CAMTA1: variants seen among roughly 807,000 people sequenced by gnomAD.
CAMTA1 encodes calmodulin-binding transcription activator 1.
Under a neutral mutation model 170.9 loss-of-function variants are expected in CAMTA1, and 27 were observed. The observed-to-expected ratio is 0.16, with a 90% CI of 0.12 to 0.22. CAMTA1 has a LOEUF of 0.22. Among genes scored for constraint, CAMTA1 ranks in the 10% least tolerant of loss-of-function variants. CAMTA1 has a pLI of 1.00. For missense variants in CAMTA1, 1,619 were observed against 2,217.2 expected, an observed-to-expected ratio of 0.73 and a Z score of 5.42; for synonymous variants, 833 against 891.5, an observed-to-expected ratio of 0.93 and a Z score of 1.17.
chr1:6,897,994 C>G (rs762790946), intron 3 of CAMTA1, among the ~76,000 whole-genome samples: 2 of 152,190 alleles, frequency 1.3e-5, no homozygotes, highest in Non-Finnish European at 2.9e-5. Flanking sequence ...TTTGCAGACA[C>G]TGTGTTTAGT....
chr1:7,156,337 T>C (rs1433232244), intron 4 of CAMTA1, among the ~76,000 whole-genome samples: 1 of 150,118 alleles, frequency 6.7e-6, no homozygotes. Flanking sequence ...CCCAGCCTAG[T>C]GGTGGAAGCA....
intron 5 of CAMTA1, among the ~76,000 whole-genome samples, chr1:7,262,478 C>G (rs2149361428): frequency 6.6e-6 from 1 of 152,288 alleles, no homozygotes; most frequent in Middle Eastern, 3.4e-3. Flanking sequence ...AGGAAAATTG[C>G]TAGAACCCAG....
chr1:7,691,749 A>C (rs1186824921), intron 11 of CAMTA1, among the ~76,000 whole-genome samples: 1 of 151,594 alleles, frequency 6.6e-6, no homozygotes. Context: ...CAAGAGAGCG[A>C]GAGAGAGAGA....
intron 3 of CAMTA1, among the ~76,000 whole-genome samples, chr1:6,915,675 A>G (rs1166467546): frequency 6.6e-6 from 1 of 152,218 alleles, no homozygotes; most frequent in East Asian, 1.9e-4. Context: ...GAGGAGAATC[A>G]CAGCAGAAGC....
chr1:7,090,213 G>T (rs1369504265), intron 3 of CAMTA1, among the ~76,000 whole-genome samples: 1 of 152,158 alleles, frequency 6.6e-6, no homozygotes, highest in African/African-American at 2.4e-5. Context: ...CACCTGCTCT[G>T]CTTACCGGGC....
At chr1:7,672,255 C>T (rs1226790865) in intron 10 of CAMTA1, among the ~76,000 whole-genome samples, 1 of 152,058 alleles carries the variant, frequency 6.6e-6, no homozygotes, top group Non-Finnish European at 1.5e-5. Context: ...CAGTGCTAGG[C>T]AGGCCCCAGG....
intron 6 of CAMTA1, among the ~76,000 whole-genome samples, chr1:7,516,771 C>G (rs947356785): frequency 6.6e-6 from 1 of 152,162 alleles, no homozygotes; most frequent in African/African-American, 2.4e-5. Flanking sequence ...GAAGAAGGGG[C>G]TCACTGGGAA....
intron 4 of CAMTA1, among the ~76,000 whole-genome samples, chr1:7,135,104 A>G (rs1645468611): frequency 6.6e-6 from 1 of 152,162 alleles, no homozygotes. Flanking sequence ...AAGTCAAATA[A>G]GGCCAAGTGC....
At chr1:7,749,183 T>C (rs911097241) in intron 19 of CAMTA1, among the ~76,000 whole-genome samples, 1 of 152,218 alleles carries the variant, frequency 6.6e-6, no homozygotes, top group Non-Finnish European at 1.5e-5. Context: ...GAATAATAAA[T>C]TCTAATATGT....
intron 5 of CAMTA1, among the ~76,000 whole-genome samples, chr1:7,252,819 A>G (rs1290418786): frequency 6.6e-6 from 1 of 152,162 alleles, no homozygotes; most frequent in Non-Finnish European, 1.5e-5. Context: ...CGTTTAATAT[A>G]TCACTTGCTA....
At chr1:6,844,560 C>CCTGT (rs1420810605) in intron 3 of CAMTA1, among the ~76,000 whole-genome samples, 1 of 149,888 alleles carries the variant, frequency 6.7e-6, no homozygotes, top group Non-Finnish European at 1.5e-5. Context: ...GAGGTGCGTG[C>CCTGT]CTGTAGTCCC....
chr1:7,221,396 G>C (rs1054646875), intron 4 of CAMTA1, among the ~76,000 whole-genome samples: 1 of 152,078 alleles, frequency 6.6e-6, no homozygotes, highest in African/African-American at 2.4e-5. Context: ...TCTTGCCTTC[G>C]GGGGCTTTCA....
At chr1:7,301,170 G>A (rs900144958) in intron 5 of CAMTA1, among the ~76,000 whole-genome samples, 19 of 152,164 alleles carry the variant, frequency 1.2e-4, no homozygotes, top group African/African-American at 3.4e-4. Context: ...CTAGTCACCC[G>A]GCAGTAATTC....
chr1:7,094,115 G>C (rs1641791616), intron 4 of CAMTA1, among the ~76,000 whole-genome samples: 1 of 152,206 alleles, frequency 6.6e-6, no homozygotes, highest in Non-Finnish European at 1.5e-5. Flanking sequence ...TAAAGGCAGA[G>C]GGTGAAGACG....
At chr1:7,442,109 A>G (rs550009036) in intron 5 of CAMTA1, among the ~76,000 whole-genome samples, 2 of 151,402 alleles carry the variant, frequency 1.3e-5, no homozygotes, top group South Asian at 2.1e-4. Flanking sequence ...TTTTGTTTCT[A>G]CTCTCCCAGT....
intron 5 of CAMTA1, among the ~76,000 whole-genome samples, chr1:7,277,456 GGTGTGTGTGTGT>G (rs57970990): frequency 1.5e-5 from 2 of 135,366 alleles, no homozygotes; most frequent in African/African-American, 2.9e-5. Context: ...TCCAAGCAAT[GGTGTGTGTGTGT>G]GTGTGTGTGT....
intron 6 of CAMTA1, among the ~76,000 whole-genome samples, chr1:7,529,135 G>T (rs1051319880): frequency 3.9e-5 from 6 of 152,154 alleles, no homozygotes; most frequent in Non-Finnish European, 8.8e-5. Context: ...GGAATGAAGG[G>T]GGCCTCCATA....
chr1:6,914,951 C>T (rs1015954579), intron 3 of CAMTA1, among the ~76,000 whole-genome samples: 5 of 152,174 alleles, frequency 3.3e-5, no homozygotes, highest in East Asian at 1.9e-4. Context: ...TAATTCTGTG[C>T]GATTCAAAGG....
chr1:7,048,735 C>T (rs543575515), intron 3 of CAMTA1, among the ~76,000 whole-genome samples: 3 of 152,300 alleles, frequency 2.0e-5, no homozygotes, highest in African/African-American at 7.2e-5. Context: ...CTTCCTTTGT[C>T]GCTTGGGAGC....
Sources: gnomAD v4.1 joint callset for allele counts (sites outside exome capture counted in the v4.1 genomes callset) on GRCh38, gnomAD v4.1.1 for gene constraint, MANE v1.5 for transcripts, NCBI Gene and HGNC (gene_info 2026-07-23, HGNC 2026-07-21) for gene names.